Variants in RTN4IP1 observed in about 807,000 individuals in gnomAD.
RTN4IP1 encodes the protein NAD(P)H oxidoreductase RTN4IP1, mitochondrial.
Under a neutral mutation model 46.6 loss-of-function variants are expected in RTN4IP1, and 32 were observed. The ratio of observed to expected loss-of-function variants is 0.69; its 90% confidence interval spans 0.52 to 0.92. RTN4IP1 has a LOEUF of 0.92. RTN4IP1 is among the 40% of genes least tolerant of loss of function. The pLI is 0.00. For missense variants in RTN4IP1, 424 were observed against 485.8 expected (o/e 0.87, Z 1.20); for synonymous variants, 167 against 161.8 (o/e 1.03, Z -0.24).
intron 8 of RTN4IP1, among the ~76,000 whole-genome samples, chr6:106,572,839 A>G (rs925581465): frequency 6.6e-6 from 1 of 152,154 alleles, no homozygotes; most frequent in African/African-American, 2.4e-5. Flanking sequence ...ACCAGAGCAT[A>G]AAGTACTTGT....
intron 1 of RTN4IP1, among the ~76,000 whole-genome samples, chr6:106,626,897 T>G (rs949452999): frequency 4.6e-5 from 7 of 152,204 alleles, no homozygotes; most frequent in Non-Finnish European, 8.8e-5. Flanking sequence ...TTTTTCCCCA[T>G]GTAAAAATTC....
At chr6:106,623,042 G>T (rs1776528049) in intron 1 of RTN4IP1, 73 bp from the exon 2 acceptor site, 26 of 1,443,102 alleles carry the variant, frequency 1.8e-5, no homozygotes, top group Non-Finnish European at 2.5e-5. Context: ...CAGGGTTATA[G>T]TCCAGTACAA....
At chr6:106,581,009 C>T (rs1288799580) in intron 8 of RTN4IP1, among the ~76,000 whole-genome samples, 1 of 147,376 alleles carries the variant, frequency 6.8e-6, no homozygotes, top group Non-Finnish European at 1.5e-5. Flanking sequence ...GGTTGCAGCA[C>T]AGTATGTTAT....
At position 106,587,737 on chromosome 6, in the gene RTN4IP1, A is replaced by C. The variant is rs1775521142; in HGVS notation, c.932T>G (p.Leu311Trp). 3 of 1,613,912 alleles carry C rather than the reference A, an allele frequency of 1.9e-6. No individual in the cohort carries two copies. In the East Asian group the frequency reaches 6.7e-5, roughly 36 times the overall value. ...VTPFLLNMDR[L>W]GIADGMLQTG... The stretch of plus-strand genomic sequence containing the variant: ...CTGCAACATGCCATCTGCTATGCCC[A>C]ATCGGTCCATGTTCAGGAGGAAAGG... The change falls in exon 7 of 9, where the codon TTG becomes TGG. Residue 311 changes from leucine to tryptophan, a missense_variant. Physicochemically the swap from Leu to Trp is moderately conservative, Grantham distance 61. Coordinates refer to ENST00000369063, the MANE Select transcript of RTN4IP1 (RefSeq NM_032730.5).
intron 5 of RTN4IP1, among the ~76,000 whole-genome samples, chr6:106,596,330 C>A (rs1216885548): frequency 6.6e-6 from 1 of 152,172 alleles, no homozygotes; most frequent in Non-Finnish European, 1.5e-5. Context: ...ACTACAAAAT[C>A]CCAGCACTTT....
chr6:106,583,821 T>C (rs1466626844), intron 7 of RTN4IP1, among the ~76,000 whole-genome samples: 1 of 152,222 alleles, frequency 6.6e-6, no homozygotes, highest in African/African-American at 2.4e-5. Context: ...AAAGAGGTTT[T>C]CACCAAATTC....
intron 1 of RTN4IP1, among the ~76,000 whole-genome samples, chr6:106,625,672 T>C (rs960867904): frequency 6.8e-6 from 1 of 146,570 alleles, no homozygotes; most frequent in African/African-American, 2.5e-5. Context: ...TTTTTTTTTT[T>C]TTTTTTTTTG....
intron 6 of RTN4IP1, 145 bp from the exon 7 acceptor site, chr6:106,588,007 G>A: frequency 1.6e-6 from 1 of 643,412 alleles, no homozygotes; most frequent in Non-Finnish European, 2.6e-6. Flanking sequence ...CTGCAGAGGG[G>A]TGGCTGCTTT....
intron 5 of RTN4IP1, among the ~76,000 whole-genome samples, chr6:106,601,050 A>G (rs1231430628): frequency 2.6e-5 from 4 of 152,164 alleles, no homozygotes; most frequent in African/African-American, 7.2e-5. Context: ...TCCCACCAGC[A>G]ATGTATGAGT....
chr6:106,594,092 T>A (rs974129206), intron 5 of RTN4IP1, among the ~76,000 whole-genome samples: 1 of 152,208 alleles, frequency 6.6e-6, no homozygotes, highest in Non-Finnish European at 1.5e-5. Flanking sequence ...GTTTTTCCCC[T>A]CAAATTTCTA....
chr6:106,605,814 CCCAAAAAAAAAAAAAAA>C (rs1236578480), intron 4 of RTN4IP1, among the ~76,000 whole-genome samples: 1 of 96,738 alleles, frequency 1.0e-5, no homozygotes, highest in Non-Finnish European at 2.0e-5. Context: ...AAGACTCTGT[CCCAAAAAAAAAAAAAAA>C]AAAAAAAAAA....
chr6:106,586,653 A>G (rs907418300), intron 7 of RTN4IP1, among the ~76,000 whole-genome samples: 1 of 152,212 alleles, frequency 6.6e-6, no homozygotes, highest in Non-Finnish European at 1.5e-5. Flanking sequence ...GATTACAGGC[A>G]TAAGACACCG....
At chr6:106,604,037 G>A (rs905642994) in intron 4 of RTN4IP1, among the ~76,000 whole-genome samples, 9 of 152,114 alleles carry the variant, frequency 5.9e-5, no homozygotes, top group African/African-American at 9.7e-5. Flanking sequence ...TAACATCACC[G>A]TAAATTGAGT....
chr6:106,583,802 G>A (rs567419976), intron 7 of RTN4IP1, among the ~76,000 whole-genome samples: 37 of 152,170 alleles, frequency 2.4e-4, no homozygotes, highest in Non-Finnish European at 4.1e-4. Flanking sequence ...AAAGCCCAGA[G>A]GCACTAGAAA....
intron 8 of RTN4IP1, among the ~76,000 whole-genome samples, chr6:106,572,771 GTTTT>G (rs888705458): frequency 1.3e-5 from 2 of 149,788 alleles, no homozygotes; most frequent in African/African-American, 4.9e-5. Flanking sequence ...CATGGAAATA[GTTTT>G]TTTTTTGTTT....
intron 1 of RTN4IP1, among the ~76,000 whole-genome samples, chr6:106,628,489 A>C (rs1402062154): frequency 6.6e-6 from 1 of 152,120 alleles, no homozygotes. Context: ...AGTTAGCTAC[A>C]GACACAGTTC....
intron 5 of RTN4IP1, among the ~76,000 whole-genome samples, chr6:106,595,366 C>G (rs1426372619): frequency 6.6e-6 from 1 of 152,156 alleles, no homozygotes; most frequent in Non-Finnish European, 1.5e-5. Flanking sequence ...GGAGGCACAT[C>G]ATGTCTGCTT....
At chr6:106,598,145 G>A (rs545986771) in intron 5 of RTN4IP1, among the ~76,000 whole-genome samples, 2,677 of 152,014 alleles carry the variant, frequency 0.018, 95 homozygotes, top group African/African-American at 0.062. Flanking sequence ...GAATAATGCC[G>A]CAATAAACAT....
chr6:106,608,941 TCTCA>T (rs796511472), intron 4 of RTN4IP1, among the ~76,000 whole-genome samples: 43 of 152,330 alleles, frequency 2.8e-4, no homozygotes, highest in African/African-American at 9.9e-4. Flanking sequence ...CAACTTTTCC[TCTCA>T]CTATTTCCTG....
Sources: allele counts gnomAD v4.1 joint callset (sites outside exome capture counted in the v4.1 genomes callset), GRCh38; gene constraint gnomAD v4.1.1; transcripts MANE v1.5; gene names NCBI Gene and HGNC (gene_info 2026-07-23, HGNC 2026-07-21).